COL4A3: variants seen among roughly 807,000 people sequenced by gnomAD.
The protein encoded by COL4A3 is collagen alpha-3(IV) chain.
Under a neutral mutation model 217.4 loss-of-function variants are expected in COL4A3, and 135 were observed. The ratio of observed to expected loss-of-function variants is 0.62; its 90% CI spans 0.54 to 0.72. COL4A3 has a LOEUF of 0.72. Among genes scored for constraint, COL4A3 ranks in the 30% least tolerant of loss-of-function variants. COL4A3 has a pLI of 0.00. For missense variants in COL4A3, 1,868 were observed against 2,119.9 expected (o/e 0.88, Z 2.33); for synonymous variants, 690 against 736.3 (o/e 0.94, Z 1.02).
chr2:227,187,399 A>G lies in COL4A3; in HGVS notation c.87+22586A>G, dbSNP rs1194046917. Reference sequence around the variant, plus strand: ...AGAAATTGACTTTGATGGTGTGATCATGGCAGGGGAGAAGTACAGCAGCAG... The same window carrying G: ...AGAAATTGACTTTGATGGTGTGATCGTGGCAGGGGAGAAGTACAGCAGCAG... On this transcript the variant is annotated intron_variant, in intron 1 of 51. Coordinates refer to ENST00000396578, the MANE Select transcript of COL4A3 (RefSeq NM_000091.5). Among the ~76,000 whole-genome samples the G allele has an allele frequency of 2.0e-5, 3 of 152,294 alleles. No individual in the cohort carries two copies. The East Asian group carries it at 5.8e-4, about 29-fold the overall frequency.
intron 9 of COL4A3, among the ~76,000 whole-genome samples, chr2:227,249,010 A>C (rs1413951823): frequency 6.6e-6 from 1 of 151,042 alleles, no homozygotes; most frequent in Non-Finnish European, 1.5e-5. Flanking sequence ...TTTTTGTTTA[A>C]ATGCAACTCT....
chr2:227,277,735 A>C (rs1574768755), intron 28 of COL4A3, among the ~76,000 whole-genome samples, 182 bp downstream of exon 28: 1 of 152,226 alleles, frequency 6.6e-6, no homozygotes, highest in Non-Finnish European at 1.5e-5. Flanking sequence ...CGCAGTGGCT[A>C]ATGCCTGTAA....
intron 25 of COL4A3, among the ~76,000 whole-genome samples, chr2:227,271,765 C>A (rs1426650644): frequency 1.3e-5 from 2 of 152,150 alleles, no homozygotes; most frequent in African/African-American, 2.4e-5. Flanking sequence ...AGCTACTGCA[C>A]CCAGACCTAA....
intron 1 of COL4A3, among the ~76,000 whole-genome samples, chr2:227,207,939 AAAGAG>A (rs1167742185): frequency 5.3e-5 from 8 of 152,224 alleles, no homozygotes; most frequent in African/African-American, 1.9e-4. Context: ...GAAATGGAGA[AAAGAG>A]AAGAAAAATA....
intron 16 of COL4A3, 36 bp downstream of exon 16, chr2:227,256,106 A>G (rs1336305060): frequency 2.5e-6 from 4 of 1,585,196 alleles, no homozygotes; most frequent in Non-Finnish European, 3.5e-6. Flanking sequence ...GGTAGTAAAA[A>G]TGTCAGTCCT....
Position 227,261,044 on chromosome 2 carries a change from ATCTT to A in COL4A3, c.1115-34_1115-31del, listed in dbSNP as rs752433653. 360 of 1,567,570 alleles carry A rather than the reference ATCTT, an allele frequency of 2.3e-4. 1 individual carries two copies. The highest frequency in any genetic ancestry group is 3.1e-4 in the Non-Finnish European group (355 of 1,137,858). The stretch of plus-strand genomic sequence containing the variant: ...CAAAAGTGGATGGGACAGCATTTAT[ATCTT>A]TCTAAGCAATTAATTAATGTTATAT... On this transcript the variant is annotated intron_variant, in intron 19 of 51. Transcript: ENST00000396578.
intron 26 of COL4A3, 138 bp from the exon 27 acceptor site, chr2:227,276,247 T>C (rs1218588411): frequency 6.5e-5 from 46 of 709,450 alleles, no homozygotes; most frequent in Non-Finnish European, 7.5e-6. Flanking sequence ...TTAAGCTAGT[T>C]TTGAAGTCTG....
rs11315628 is a variant in COL4A3, at chr2:227,172,581, C to CTT, written c.87+7791_87+7792dup. On this transcript the variant is annotated intron_variant, in intron 1 of 51. Coordinates refer to ENST00000396578, the MANE Select transcript of COL4A3 (RefSeq NM_000091.5). ...CATCTTCTTCTTTCTTCGTCTTCTT[C>CTT]TTTTTTTTTTTTTTTTTTTTTTTTA... is the stretch of plus-strand genomic sequence containing the variant. 7.4e-3 allele frequency among the ~76,000 whole-genome samples: 545 copies of CTT among 73,296 alleles called. 6 individuals are homozygous for CTT. The highest frequency in any genetic ancestry group is 0.01 in the Middle Eastern group (1 of 98). The allele number at this position is 73,296 out of a possible 152,430, so 48.1% of individuals were successfully genotyped here.
At chr2:227,294,406 A>G in intron 38 of COL4A3, 84 bp from the exon 39 acceptor site, 1 of 944,814 alleles carries the variant, frequency 1.1e-6, no homozygotes, top group East Asian at 2.4e-5. Context: ...ATGGTTGACT[A>G]TAAAAACAGA....
Position 227,164,697 on chromosome 2 carries a change from A to C in COL4A3, c.-30A>C, listed in dbSNP as rs1264303449. 1 of 1,529,276 alleles carries C rather than the reference A, an allele frequency of 6.5e-7. No individual in the cohort carries two copies. The highest frequency in any genetic ancestry group is 2.0e-5 in the Admixed American group (1 of 50,806). The allele number at this position is 1,529,276 out of a possible 1,614,324, so 94.7% of individuals were successfully genotyped here. On this transcript the variant is annotated 5_prime_UTR_variant, in exon 1 of 52. Coordinates refer to ENST00000396578, the MANE Select transcript of COL4A3 (RefSeq NM_000091.5). The surrounding 1 kb of genome is among the most constrained non-coding windows in gnomAD (Gnocchi z 4.8). ...GGCCTGAGAGCCTGAGGGTCCCCGG[A>C]CTCGCCCAGGCTCTGAGCGCGCGCC... is the stretch of plus-strand genomic sequence containing the variant.
chr2:227,290,874 A>G lies in COL4A3; in HGVS notation c.3198A>G (p.Pro1066=), dbSNP rs1243904287. Residue 1066 remains proline, a synonymous_variant, in exon 37 of 52, where the codon CCA becomes CCG. Coordinates refer to ENST00000396578, the MANE Select transcript of COL4A3 (RefSeq NM_000091.5). ...ATTCAGAAGGTACAAGGCCAGGACCACCGGGACCAACGGTATATAGGCCAC... is the reference window on the plus strand; with the variant it reads ...ATTCAGAAGGTACAAGGCCAGGACCGCCGGGACCAACGGTATATAGGCCAC... ...PGYSEGTRPG[P]PGPTGDPGLP... 8.7e-6 allele frequency: 14 copies of G among 1,612,462 alleles called. No homozygotes were observed. The highest frequency in any genetic ancestry group is 1.2e-5 in the Non-Finnish European group (14 of 1,179,680).
At chr2:227,208,670 C>T (rs1388195343) in intron 1 of COL4A3, among the ~76,000 whole-genome samples, 2 of 151,978 alleles carry the variant, frequency 1.3e-5, no homozygotes, top group Admixed American at 6.6e-5. Context: ...ACAGCCGGCT[C>T]TGCGTGAATT....
rs559717043 is a variant in COL4A3 at position 227,273,366 on chromosome 2, T to C, written c.1927+249T>C. 3.9e-5 allele frequency among the ~76,000 whole-genome samples: 6 copies of C among 152,294 alleles called. No homozygotes were observed. The highest frequency in any genetic ancestry group is 7.4e-5 in the Non-Finnish European group (5 of 68,022). ...TATCTATTACATACATACATATATA[T>C]ATATGAAATGAATAGATCCTAAGCG... On this transcript the variant is annotated intron_variant, in intron 26 of 51. Coordinates refer to ENST00000396578, the MANE Select transcript of COL4A3 (RefSeq NM_000091.5).
In COL4A3 at chr2:227,289,440, C is replaced by A. The variant is rs7593299; in HGVS notation, c.2980+192C>A. Among the ~76,000 whole-genome samples the A allele has an allele frequency of 0.75, 113,655 of 152,048 alleles. 44,323 individuals are homozygous for A. The highest frequency in any genetic ancestry group is 0.87 in the Non-Finnish European group (59,217 of 68,008). Reference sequence around the variant, plus strand: ...CGTGTCATTAACTAACATACATTAACCTACAAATAGTTCCATTTTGTCCTC... The same window carrying A: ...CGTGTCATTAACTAACATACATTAAACTACAAATAGTTCCATTTTGTCCTC... On this transcript the variant is annotated intron_variant, in intron 35 of 51. Transcript: ENST00000396578.
chr2:227,280,328 G>A (rs1331686694), intron 29 of COL4A3, 112 bp from the exon 30 acceptor site: 1 of 1,203,726 alleles, frequency 8.3e-7, no homozygotes, highest in African/African-American at 1.5e-5. Context: ...AAGGAAAGTT[G>A]ATGACATGGT....
At chr2:227,207,146 A>C (rs7595250) in intron 1 of COL4A3, among the ~76,000 whole-genome samples, 22,200 of 152,072 alleles carry the variant, frequency 0.15, 1,740 homozygotes, top group African/African-American at 0.17. Flanking sequence ...AGAAAAGGCA[A>C]CCCTATCCCT....
chr2:227,240,121 C>T, intron 2 of COL4A3, 22 bp from the exon 3 acceptor site: 1 of 1,580,644 alleles, frequency 6.3e-7, no homozygotes. Flanking sequence ...GTGTGTTTCT[C>T]ACCTCGTTTT....
At chr2:227,183,150 A>G (rs1487148784) in intron 1 of COL4A3, among the ~76,000 whole-genome samples, 2 of 152,210 alleles carry the variant, frequency 1.3e-5, no homozygotes, top group Non-Finnish European at 2.9e-5. Context: ...GTTTATTCAA[A>G]GTAAAGAAAG....
chr2:227,193,068 C>T (rs2066305952), intron 1 of COL4A3, among the ~76,000 whole-genome samples: 1 of 152,088 alleles, frequency 6.6e-6, no homozygotes, highest in Non-Finnish European at 1.5e-5. Context: ...CTTTGAGATG[C>T]ACTAGTTTAG....
Sources: gnomAD v4.1 joint callset for allele counts (sites outside exome capture counted in the v4.1 genomes callset) on GRCh38, gnomAD v4.1.1 for gene constraint, Gnocchi (gnomAD v3.1) non-coding constraint, MANE v1.5 for transcripts, NCBI Gene and HGNC (gene_info 2026-07-23, HGNC 2026-07-21) for gene names.